PLCH1: variants seen among roughly 807,000 people sequenced by gnomAD.
PLCH1 encodes the protein phospholipase C eta 1.
A neutral mutation model predicts 126.7 loss-of-function variants in PLCH1; 60 were observed. The ratio of observed to expected loss-of-function variants is 0.47; its 90% confidence interval spans 0.38 to 0.59. The LOEUF is 0.59. Among genes scored for constraint, PLCH1 ranks in the 20% least tolerant of loss-of-function variants. The pLI, the probability that PLCH1 is intolerant of heterozygous loss-of-function variation, is 0.00. For missense variants in PLCH1, 1,723 were observed against 2,040.0 expected (o/e 0.84, Z 2.99); for synonymous variants, 719 against 734.9 (o/e 0.98, Z 0.35).
At chr3:155,509,253 T>G (rs1719128635) in intron 12 of PLCH1, among the ~76,000 whole-genome samples, 1 of 126,382 alleles carries the variant, frequency 7.9e-6, no homozygotes, top group African/African-American at 4.0e-5. Context: ...CTTTTTTTCT[T>G]TATTAGTCTT....
chr3:155,482,618 C>G lies in PLCH1; in HGVS notation c.3408G>C (p.Lys1136Asn). 6.2e-7 allele frequency: 1 copy of G among 1,614,164 alleles called. No homozygotes were observed. Residue 1136 changes from lysine to asparagine, a missense_variant, in exon 23 of 23, where the codon AAG becomes AAC. Physicochemically the swap from Lys to Asn is moderately conservative, Grantham distance 94. This residue lies in a region of PLCH1 where 947 missense variants were observed against 977.1 expected (regional missense o/e 0.97). Transcript: ENST00000460012. The stretch of plus-strand genomic sequence containing the variant: ...AAGAAAAGGATGTTGCAGCTCGGCC[C>G]TTACCCCTATTACCTTCCAGGTTCT... ...EIKNLEGNRG[K>N]GRAATSFSLS...
chr3:155,599,147 T>C (rs912004321), intron 2 of PLCH1, among the ~76,000 whole-genome samples: 2 of 151,854 alleles, frequency 1.3e-5, no homozygotes, highest in Non-Finnish European at 2.9e-5. Flanking sequence ...GCATTGTGAG[T>C]AATAAATGTC....
chr3:155,454,785 C>G (rs572780996), intron 21 of PLCH1, among the ~76,000 whole-genome samples: 144 of 152,254 alleles, frequency 9.5e-4, no homozygotes, highest in African/African-American at 3.0e-3. Context: ...ATTATGTCTT[C>G]CTGGACTACA....
At chr3:155,497,185 T>TGAA in intron 15 of PLCH1, 135 bp downstream of exon 15, 1 of 615,342 alleles carries the variant, frequency 1.6e-6, no homozygotes. Context: ...GTGAGTTTCC[T>TGAA]GACACTCAAA....
chr3:155,662,510 T>C (rs535557356), intron 2 of PLCH1, among the ~76,000 whole-genome samples: 1 of 151,108 alleles, frequency 6.6e-6, no homozygotes, highest in East Asian at 1.9e-4. Flanking sequence ...TATGTATATA[T>C]ACAAGTTTTT....
At chr3:155,628,784 G>T (rs1419128077) in intron 2 of PLCH1, among the ~76,000 whole-genome samples, 1 of 152,154 alleles carries the variant, frequency 6.6e-6, no homozygotes, top group East Asian at 1.9e-4. Context: ...AAGAGAAAGG[G>T]ATGAGAGTAA....
chr3:155,700,199 A>G (rs749193706), intron 2 of PLCH1, among the ~76,000 whole-genome samples: 2 of 152,200 alleles, frequency 1.3e-5, no homozygotes, highest in Non-Finnish European at 2.9e-5. Context: ...CCTACTTTCC[A>G]TTACAAACTA....
At chr3:155,571,006 A>AT (rs961948221) in intron 6 of PLCH1, among the ~76,000 whole-genome samples, 1 of 152,134 alleles carries the variant, frequency 6.6e-6, no homozygotes, top group Admixed American at 6.5e-5. Context: ...TGGTCCTCAC[A>AT]TTAAAGGACA....
At chr3:155,606,829 T>C (rs979620356) in intron 2 of PLCH1, among the ~76,000 whole-genome samples, 7 of 152,318 alleles carry the variant, frequency 4.6e-5, no homozygotes, top group Middle Eastern at 6.8e-3. Context: ...TTCCCAACTT[T>C]TAGAGAACCT....
At chr3:155,463,144 C>T (rs1255268094) in intron 21 of PLCH1, among the ~76,000 whole-genome samples, 1 of 152,164 alleles carries the variant, frequency 6.6e-6, no homozygotes, top group Non-Finnish European at 1.5e-5. Flanking sequence ...CCTCAATTCT[C>T]TATTACTGTC....
intron 2 of PLCH1, among the ~76,000 whole-genome samples, chr3:155,684,845 A>T (rs1021534630): frequency 1.3e-5 from 2 of 152,220 alleles, no homozygotes; most frequent in Admixed American, 6.5e-5. Context: ...CTTCAGCAGT[A>T]CAATTTTACA....
In PLCH1 at chr3:155,538,976, G is replaced by A. The variant is rs113996056; in HGVS notation, c.1362+10811C>T. On this transcript the variant is annotated intron_variant, in intron 10 of 22. Coordinates refer to ENST00000460012, the MANE Select transcript of PLCH1 (RefSeq NM_014996.4). ...AAAAAGAAAATTACAGACCAATATC[G>A]CTAATGAACATAGACGCAAAAATCC... is the stretch of plus-strand genomic sequence containing the variant. Among the ~76,000 whole-genome samples the A allele has an allele frequency of 9.8e-3, 1,473 of 150,544 alleles. 14 individuals carry two copies. The highest frequency in any genetic ancestry group is 0.034 in the African/African-American group (1,412 of 41,114).
intron 6 of PLCH1, among the ~76,000 whole-genome samples, chr3:155,570,262 A>C (rs1435741672): frequency 6.6e-6 from 1 of 152,124 alleles, no homozygotes; most frequent in Non-Finnish European, 1.5e-5. Flanking sequence ...TTAAGTTATA[A>C]GTTTATTGTA....
intron 15 of PLCH1, among the ~76,000 whole-genome samples, chr3:155,495,946 T>C (rs1487006030): frequency 1.3e-5 from 2 of 152,222 alleles, no homozygotes; most frequent in Admixed American, 1.3e-4. Context: ...TTAAACATTA[T>C]AGGAGAAAAT....
At chr3:155,493,927 A>G (rs1716622853) in intron 17 of PLCH1, among the ~76,000 whole-genome samples, 1 of 152,218 alleles carries the variant, frequency 6.6e-6, no homozygotes, top group Non-Finnish European at 1.5e-5. Context: ...CTCTCAAGAT[A>G]ACATTCTAAA....
intron 2 of PLCH1, among the ~76,000 whole-genome samples, chr3:155,672,309 A>C (rs532869023): frequency 3.8e-4 from 58 of 152,338 alleles, no homozygotes; most frequent in African/African-American, 1.2e-3. Context: ...AGAGCCAAAA[A>C]TTTCTGACTA....
At chr3:155,590,360 C>T (rs993041947) in intron 4 of PLCH1, among the ~76,000 whole-genome samples, 13 of 152,218 alleles carry the variant, frequency 8.5e-5, no homozygotes, top group African/African-American at 2.2e-4. Context: ...GGGAGGATCA[C>T]GAGGTCAGGA....
chr3:155,469,301 A>C (rs1241924275), intron 21 of PLCH1, among the ~76,000 whole-genome samples: 3 of 152,160 alleles, frequency 2.0e-5, no homozygotes, highest in African/African-American at 4.8e-5. Flanking sequence ...TTCCGAGTCA[A>C]AGAAAGGGGT....
At chr3:155,545,259 C>G (rs1179334235) in intron 10 of PLCH1, among the ~76,000 whole-genome samples, 2 of 150,334 alleles carry the variant, frequency 1.3e-5, no homozygotes, top group Admixed American at 6.6e-5. Flanking sequence ...ACTACAAACA[C>G]CTCTACGCAA....
Sources: allele counts gnomAD v4.1 joint callset (sites outside exome capture counted in the v4.1 genomes callset), GRCh38; gene constraint gnomAD v4.1.1; regional missense constraint gnomAD v4.1.1; transcripts MANE v1.5; gene names NCBI Gene and HGNC (gene_info 2026-07-23, HGNC 2026-07-21).